Variants in PCDH15 observed in about 807,000 individuals in gnomAD.
The protein encoded by PCDH15 is protocadherin related 15, also known as protocadherin-15.
In PCDH15, 129 loss-of-function variants were observed where a neutral mutation model predicts 178.5. The ratio of observed to expected loss-of-function variants is 0.72; its 90% CI spans 0.63 to 0.84. PCDH15 has a LOEUF of 0.84. Ranked by LOEUF, PCDH15 falls within the 40% of genes least tolerant of loss-of-function variation. The pLI is 0.00. For synonymous variants in PCDH15, 800 were observed against 732.0 expected, an observed-to-expected ratio of 1.09 and a Z score of -1.50; for missense variants, 2,230 against 2,099.9, an observed-to-expected ratio of 1.06 and a Z score of -1.21.
In PCDH15 at chr10:54,254,296, C is replaced by T. The variant is rs181339854; in HGVS notation, c.877-17365G>A. Among the ~76,000 whole-genome samples, 261 of 152,136 alleles carry T rather than the reference C, an allele frequency of 1.7e-3. 1 individual carries two copies. Among genetic ancestry groups the T allele is most frequent in the African/African-American group, 5.9e-3 (243 of 41,516 alleles). The stretch of plus-strand genomic sequence containing the variant: ...ATTGACAAAAAGAAAATTTAGAAAA[C>T]AGCAATGCTAAAAATAGAAATGCAC... On this transcript the variant is annotated intron_variant, in intron 8 of 37. Transcript: ENST00000644397.
At chr10:54,704,003 G>A (rs548791716) in intron 1 of PCDH15, among the ~76,000 whole-genome samples, 2 of 152,158 alleles carry the variant, frequency 1.3e-5, no homozygotes, top group African/African-American at 4.8e-5. Flanking sequence ...AAGCAATGGT[G>A]AAACAATTCA....
intron 2 of PCDH15, among the ~76,000 whole-genome samples, chr10:55,022,609 C>A (rs143731299): frequency 0.012 from 1,843 of 151,924 alleles, 26 homozygotes; most frequent in Non-Finnish European, 0.015. Flanking sequence ...ACAATTTTTT[C>A]TGTAAATTTA....
chr10:54,968,086 T>A (rs1838837114), intron 2 of PCDH15, among the ~76,000 whole-genome samples: 2 of 152,180 alleles, frequency 1.3e-5, no homozygotes, highest in African/African-American at 4.8e-5. Context: ...TTTATGACCA[T>A]TTGCATTATT....
At chr10:55,027,915 G>A (rs754107832) in intron 2 of PCDH15, among the ~76,000 whole-genome samples, 2 of 151,750 alleles carry the variant, frequency 1.3e-5, no homozygotes, top group Non-Finnish European at 3.0e-5. Context: ...TCAATCTTGT[G>A]TTAAGTATTG....
intron 2 of PCDH15, among the ~76,000 whole-genome samples, chr10:54,931,798 T>C (rs114529256): frequency 0.011 from 1,629 of 152,302 alleles, 24 homozygotes; most frequent in African/African-American, 0.038. Context: ...TAGTGTTTTG[T>C]AGTTTCAGAA....
intron 27 of PCDH15, 59 bp downstream of exon 27, chr10:53,866,583 A>C: frequency 7.8e-7 from 1 of 1,278,256 alleles, no homozygotes; most frequent in Non-Finnish European, 1.1e-6. Context: ...TAAACTGAAA[A>C]CACTGACCTA....
intron 5 of PCDH15, among the ~76,000 whole-genome samples, chr10:54,366,393 T>C (rs984282984): frequency 1.8e-4 from 28 of 152,024 alleles, no homozygotes; most frequent in Admixed American, 7.9e-4. Context: ...GTATGAAAAA[T>C]ACCTTGCAAT....
chr10:54,795,390 A>G (rs1206777302), intron 1 of PCDH15, among the ~76,000 whole-genome samples: 1 of 151,872 alleles, frequency 6.6e-6, no homozygotes, highest in Non-Finnish European at 1.5e-5. Context: ...AGTAGGATGG[A>G]CAGTAGGGAG....
At chr10:53,978,323 G>A (rs914650907) in intron 21 of PCDH15, among the ~76,000 whole-genome samples, 11 of 152,200 alleles carry the variant, frequency 7.2e-5, no homozygotes, top group African/African-American at 1.4e-4. Flanking sequence ...CTCTACACCC[G>A]CTGGACCAAC....
At chr10:54,576,257 TTAAGTA>T (rs1299033628) in intron 2 of PCDH15, among the ~76,000 whole-genome samples, 1 of 152,178 alleles carries the variant, frequency 6.6e-6, no homozygotes, top group African/African-American at 2.4e-5. Flanking sequence ...TGTACAGTTA[TTAAGTA>T]TAAGTTTTCT....
intron 2 of PCDH15, among the ~76,000 whole-genome samples, chr10:54,557,314 T>A (rs2087423207): frequency 6.6e-6 from 1 of 152,158 alleles, no homozygotes; most frequent in African/African-American, 2.4e-5. Flanking sequence ...GTCTATTGGG[T>A]GTGGCCAACA....
intron 3 of PCDH15, among the ~76,000 whole-genome samples, chr10:54,462,774 C>T (rs1357106543): frequency 2.8e-5 from 4 of 144,964 alleles, no homozygotes; most frequent in Non-Finnish European, 6.0e-5. Flanking sequence ...TTGTGATCTG[C>T]CCACCTCGGC....
chr10:55,086,535 G>A (rs987571729), intron 2 of PCDH15, among the ~76,000 whole-genome samples: 5 of 151,962 alleles, frequency 3.3e-5, no homozygotes, highest in Admixed American at 1.3e-4. Context: ...ATCTTCCACT[G>A]AGCACACATC....
chr10:54,219,951 C>A (rs1200315134), intron 9 of PCDH15, among the ~76,000 whole-genome samples: 2 of 151,872 alleles, frequency 1.3e-5, no homozygotes, highest in Non-Finnish European at 2.9e-5. Context: ...ATAAGTTTGG[C>A]CAAGTCTTCA....
At chr10:54,353,058 T>C (rs1418537709) in intron 5 of PCDH15, among the ~76,000 whole-genome samples, 1 of 152,114 alleles carries the variant, frequency 6.6e-6, no homozygotes, top group African/African-American at 2.4e-5. Context: ...TATTGAAAAA[T>C]TCAACATTTT....
At chr10:54,374,305 G>T (rs1442071097) in intron 4 of PCDH15, among the ~76,000 whole-genome samples, 1 of 152,096 alleles carries the variant, frequency 6.6e-6, no homozygotes, top group African/African-American at 2.4e-5. Context: ...CAGCTACCAA[G>T]TTAGAGTCTG....
intron 2 of PCDH15, among the ~76,000 whole-genome samples, chr10:55,374,721 A>G (rs184528585): frequency 5.3e-5 from 8 of 152,218 alleles, no homozygotes; most frequent in African/African-American, 1.9e-4. Flanking sequence ...AATGATTTTA[A>G]TATTTACTTT....
At chr10:53,980,451 T>A (rs564679969) in intron 21 of PCDH15, among the ~76,000 whole-genome samples, 1 of 152,014 alleles carries the variant, frequency 6.6e-6, no homozygotes, top group Non-Finnish European at 1.5e-5. Flanking sequence ...TACAGTGCCA[T>A]GGATGACATC....
chr10:53,883,214 ATG>A (rs970901648), intron 26 of PCDH15, among the ~76,000 whole-genome samples: 1 of 152,038 alleles, frequency 6.6e-6, no homozygotes, highest in East Asian at 1.9e-4. Context: ...ATATATGTAT[ATG>A]TGTGTGTGTA....
Sources: allele counts gnomAD v4.1 joint callset (sites outside exome capture counted in the v4.1 genomes callset), GRCh38; gene constraint gnomAD v4.1.1; transcripts MANE v1.5; gene names NCBI Gene and HGNC (gene_info 2026-07-23, HGNC 2026-07-21).